TOX2: variants seen among roughly 807,000 people sequenced by gnomAD.
TOX2 encodes TOX high mobility group box family member 2.
In TOX2, 15 loss-of-function variants were observed where a neutral mutation model predicts 47.4. The observed-to-expected ratio is 0.32, with a 90% CI of 0.21 to 0.49. The LOEUF is 0.49. Ranked by LOEUF, TOX2 falls within the 20% of genes least tolerant of loss-of-function variation. The pLI is 0.99. For missense variants in TOX2, 622 were observed against 673.1 expected, an observed-to-expected ratio of 0.92 and a Z score of 0.84; for synonymous variants, 290 against 296.6, an observed-to-expected ratio of 0.98 and a Z score of 0.23.
In TOX2 at chr20:43,916,102, C is replaced by G. The variant is rs2069051932; in HGVS notation, c.99+1112C>G. ...GCCAGTCGGTGCGTCGGTCCCGGGC[C>G]GGCTGGAGCCAAGCGCGGGTTTTCG... is the stretch of plus-strand genomic sequence containing the variant. On this transcript the variant is annotated intron_variant, in intron 1 of 8. Transcript: ENST00000341197. The surrounding 1 kb of genome is among the most constrained non-coding windows in gnomAD (Gnocchi z 5.0). The G allele has an allele frequency of 4.1e-6, 4 of 984,626 alleles. No individual in the cohort carries two copies. Among genetic ancestry groups the G allele is most frequent in the South Asian group, 9.4e-5 (2 of 21,280 alleles). The allele number at this position is 984,626 out of a possible 1,614,324, so 61.0% of individuals were successfully genotyped here.
intron 1 of TOX2, among the ~76,000 whole-genome samples, chr20:43,958,516 T>A (rs2145418570): frequency 6.6e-6 from 1 of 152,340 alleles, no homozygotes; most frequent in Middle Eastern, 3.4e-3. Context: ...TATCTCCACC[T>A]TAGTGCTTTA....
intron 1 of TOX2, among the ~76,000 whole-genome samples, chr20:43,935,060 CA>C (rs2069307400): frequency 6.6e-6 from 1 of 152,150 alleles, no homozygotes; most frequent in Admixed American, 6.5e-5. Flanking sequence ...CTACCCTTCC[CA>C]TGCAGCCAGC....
At chr20:44,003,168 T>C (rs2070613801) in intron 2 of TOX2, among the ~76,000 whole-genome samples, 1 of 150,506 alleles carries the variant, frequency 6.6e-6, no homozygotes, top group African/African-American at 2.4e-5. Flanking sequence ...CCCCAGGACC[T>C]GGCTGTACAT....
At chr20:44,005,578 T>C (rs905797200) in intron 2 of TOX2, among the ~76,000 whole-genome samples, 1 of 152,158 alleles carries the variant, frequency 6.6e-6, no homozygotes, top group African/African-American at 2.4e-5. Context: ...AAGAATAATA[T>C]GTCATGACCA....
chr20:44,037,297 C>G (rs2071256742), intron 3 of TOX2, among the ~76,000 whole-genome samples: 1 of 152,234 alleles, frequency 6.6e-6, no homozygotes, highest in Non-Finnish European at 1.5e-5. Flanking sequence ...AGTTCAAGCT[C>G]ATACCTTAAG....
chr20:44,012,189 G>T (rs775421586), intron 3 of TOX2, among the ~76,000 whole-genome samples: 14 of 152,186 alleles, frequency 9.2e-5, no homozygotes, highest in Admixed American at 8.5e-4. Context: ...AAAGAAACTC[G>T]AAGAGTGGAA....
At position 43,966,003 on chromosome 20, in the gene TOX2, A is replaced by G. The variant is rs572412327; in HGVS notation, c.100-7364A>G. The stretch of plus-strand genomic sequence containing the variant: ...CTGATAAGGGGATAGGAGTTGATAT[A>G]TCATAACAATGATAATAGGTAACAT... On this transcript the variant is annotated intron_variant, in intron 1 of 8. Transcript: ENST00000341197. Among the ~76,000 whole-genome samples the G allele has an allele frequency of 3.3e-5, 5 of 152,326 alleles. No individual in the cohort carries two copies. The South Asian group carries it at 1.0e-3, about 32-fold the overall frequency.
intron 1 of TOX2, among the ~76,000 whole-genome samples, chr20:43,939,125 A>G (rs1382135424): frequency 6.6e-6 from 1 of 152,118 alleles, no homozygotes; most frequent in Non-Finnish European, 1.5e-5. Flanking sequence ...CTGTAAAACG[A>G]GGAGATCAGT....
Position 44,054,373 on chromosome 20 carries a change from C to T in TOX2, c.726C>T (p.Asp242=). The stretch of plus-strand genomic sequence containing the variant: ...ACCCGAAGAAGAAGAAAAAGAAGGA[C>T]CCCAATGAGCCGCAGAAGCCTGTGT... The part of the protein sequence containing the change: ...AKNPKKKKKK[D]PNEPQKPVSA... Residue 242 remains aspartate, a synonymous_variant, in exon 5 of 9, where the codon GAC becomes GAT. Coordinates refer to ENST00000341197, the MANE Select transcript of TOX2 (RefSeq NM_001098797.2). The T allele has an allele frequency of 1.2e-6, 2 of 1,611,774 alleles. No individual in the cohort carries two copies. The highest frequency in any genetic ancestry group is 8.5e-7 in the Non-Finnish European group (1 of 1,179,374).
At chr20:44,019,340 A>C (rs2070942179) in intron 3 of TOX2, among the ~76,000 whole-genome samples, 1 of 152,254 alleles carries the variant, frequency 6.6e-6, no homozygotes, top group African/African-American at 2.4e-5. Flanking sequence ...AAAGACACAC[A>C]GCTAGGAAGT....
intron 5 of TOX2, among the ~76,000 whole-genome samples, chr20:44,057,129 G>T (rs951595881): frequency 2.6e-5 from 4 of 152,044 alleles, no homozygotes; most frequent in African/African-American, 9.7e-5. Flanking sequence ...TTGCTGTGTT[G>T]CTCAGGCTGA....
chr20:43,954,783 A>G (rs1435558022), intron 1 of TOX2, among the ~76,000 whole-genome samples: 2 of 152,154 alleles, frequency 1.3e-5, no homozygotes, highest in African/African-American at 4.8e-5. Flanking sequence ...CTCTGGGAGG[A>G]TCCACGAGGG....
At chr20:44,056,580 GGTTTCATTTCTGCTTACCTGTCTGAC>G (rs1463498211) in intron 5 of TOX2, among the ~76,000 whole-genome samples, 8 of 152,078 alleles carry the variant, frequency 5.3e-5, no homozygotes, top group Non-Finnish European at 8.8e-5. Flanking sequence ...CCCCTGTGTC[GGTTTCATTTCTGCTTACCTGTCTGAC>G]GTTTTATTTC....
intron 1 of TOX2, among the ~76,000 whole-genome samples, chr20:43,920,792 A>G (rs2069105015): frequency 6.6e-6 from 1 of 152,200 alleles, no homozygotes; most frequent in Non-Finnish European, 1.5e-5. Context: ...GGGTGGAAAT[A>G]TAATGAAATA....
intron 3 of TOX2, among the ~76,000 whole-genome samples, chr20:44,028,661 A>G (rs1288571063): frequency 6.6e-6 from 1 of 152,150 alleles, no homozygotes; most frequent in Non-Finnish European, 1.5e-5. Context: ...CAAAGGAGTA[A>G]GATGTGCCCT....
At position 44,018,094 on chromosome 20, in the gene TOX2, G is replaced by T. The variant is rs185792271; in HGVS notation, c.411+11302G>T. On this transcript the variant is annotated intron_variant, in intron 3 of 8. Coordinates refer to ENST00000341197, the MANE Select transcript of TOX2 (RefSeq NM_001098797.2). ...TCCCGGCACCGAAGGCTTCCTGGAGGGGGTAGCCTTGGGGGCCAGAGGACA... is the reference window on the plus strand; with the variant it reads ...TCCCGGCACCGAAGGCTTCCTGGAGTGGGTAGCCTTGGGGGCCAGAGGACA... 4.2e-3 allele frequency among the ~76,000 whole-genome samples: 641 copies of T among 152,318 alleles called. 5 individuals carry two copies. Among genetic ancestry groups the T allele is most frequent in the African/African-American group, 0.014 (586 of 41,556 alleles).
rs34410581 is a variant in TOX2 at position 43,927,458 on chromosome 20, AACACACACACACACACACACACACACAC to A, written c.99+12494_99+12521del. On this transcript the variant is annotated intron_variant, in intron 1 of 8. Coordinates refer to ENST00000341197, the MANE Select transcript of TOX2 (RefSeq NM_001098797.2). ...GTGTACATTTTCTGATGATCTATAT[AACACACACACACACACACACACACACAC>A]ACACACACACACACACACACACACA... Among the ~76,000 whole-genome samples, 598 of 131,478 alleles carry A rather than the reference AACACACACACACACACACACACACACAC, an allele frequency of 4.5e-3. 7 individuals are homozygous for A. Among genetic ancestry groups the A allele is most frequent in the Non-Finnish European group, 7.9e-3 (482 of 60,760 alleles). The allele number at this position is 131,478 out of a possible 152,430, so 86.3% of individuals were successfully genotyped here. A position where few individuals can be genotyped will look rare whatever the true frequency, so the allele number is the denominator to read the frequency against.
At chr20:44,053,471 CATATATAT>C (rs57421718) in intron 4 of TOX2, among the ~76,000 whole-genome samples, 6 of 113,282 alleles carry the variant, frequency 5.3e-5, no homozygotes, top group Non-Finnish European at 9.8e-5. Flanking sequence ...CACACACACA[CATATATAT>C]ATACACACAT....
At chr20:44,035,467 G>A (rs1020198247) in intron 3 of TOX2, among the ~76,000 whole-genome samples, 21 of 150,696 alleles carry the variant, frequency 1.4e-4, no homozygotes, top group African/African-American at 4.4e-4. Context: ...GGTGGCCGCC[G>A]CCTTCTGCAG....
Sources: gnomAD v4.1 joint callset for allele counts (sites outside exome capture counted in the v4.1 genomes callset) on GRCh38, gnomAD v4.1.1 for gene constraint, Gnocchi (gnomAD v3.1) non-coding constraint, MANE v1.5 for transcripts, NCBI Gene and HGNC (gene_info 2026-07-23, HGNC 2026-07-21) for gene names.